The following MAGI2 variants were observed in gnomAD, a reference collection of about 807,000 sequenced individuals.
MAGI2 encodes membrane-associated guanylate kinase, WW and PDZ domain-containing protein 2.
MAGI2 carries 35 observed loss-of-function variants against 133.3 expected under a neutral mutation model. The ratio of observed to expected loss-of-function variants is 0.26; its 90% CI spans 0.20 to 0.35. MAGI2 has a LOEUF of 0.35. Among genes scored for constraint, MAGI2 ranks in the 10% least tolerant of loss-of-function variants. The pLI, the probability that MAGI2 is intolerant of heterozygous loss-of-function variation, is 1.00. For missense variants in MAGI2, 1,636 were observed against 1,863.4 expected (o/e 0.88, Z 2.25); for synonymous variants, 729 against 710.6 (o/e 1.03, Z -0.41).
chr7:78,962,167 A>T (rs1292616980), intron 2 of MAGI2, among the ~76,000 whole-genome samples: 1 of 152,058 alleles, frequency 6.6e-6, no homozygotes, highest in Non-Finnish European at 1.5e-5. Context: ...CTAGTTTTCT[A>T]TCTGGAAACA....
chr7:79,084,092 T>C (rs1816281072), intron 1 of MAGI2, among the ~76,000 whole-genome samples: 2 of 151,698 alleles, frequency 1.3e-5, no homozygotes, highest in Non-Finnish European at 3.0e-5. Flanking sequence ...GTTAATCTTT[T>C]CAAAGAATCA....
chr7:78,427,012 C>G (rs573690542), intron 6 of MAGI2, among the ~76,000 whole-genome samples: 2 of 152,108 alleles, frequency 1.3e-5, no homozygotes, highest in South Asian at 4.1e-4. Context: ...TTTCAATGCT[C>G]TAACATTTTA....
At chr7:79,262,058 T>C (rs755703544) in intron 1 of MAGI2, among the ~76,000 whole-genome samples, 21 of 152,204 alleles carry the variant, frequency 1.4e-4, no homozygotes, top group Non-Finnish European at 2.4e-4. Flanking sequence ...GTAGTATTTA[T>C]CAATCTTCAA....
At chr7:79,104,500 C>G (rs573393752) in intron 1 of MAGI2, among the ~76,000 whole-genome samples, 2 of 152,056 alleles carry the variant, frequency 1.3e-5, no homozygotes, top group African/African-American at 4.8e-5. Flanking sequence ...AGCCCCATCT[C>G]TACTAAAAAT....
At chr7:79,313,808 T>A (rs981817425) in intron 1 of MAGI2, among the ~76,000 whole-genome samples, 43 of 151,296 alleles carry the variant, frequency 2.8e-4, no homozygotes, top group Admixed American at 5.3e-4. Context: ...TTTACTTTTT[T>A]TTTTTTTTTT....
chr7:78,322,412 A>G (rs1277983205), intron 9 of MAGI2, among the ~76,000 whole-genome samples: 1 of 152,248 alleles, frequency 6.6e-6, no homozygotes, highest in African/African-American at 2.4e-5. Flanking sequence ...CATATACACC[A>G]TGGAATACTA....
chr7:78,544,244 G>T (rs549388699), intron 3 of MAGI2, among the ~76,000 whole-genome samples: 41 of 152,350 alleles, frequency 2.7e-4, no homozygotes, highest in African/African-American at 9.1e-4. Flanking sequence ...ATGAATTGGT[G>T]ATTTCAGTGT....
intron 15 of MAGI2, among the ~76,000 whole-genome samples, chr7:78,161,524 G>T (rs898611923): frequency 6.6e-6 from 1 of 152,012 alleles, no homozygotes; most frequent in Non-Finnish European, 1.5e-5. Flanking sequence ...AACTCTGGAA[G>T]TTGTTGCATA....
intron 1 of MAGI2, 116 bp downstream of exon 1, chr7:79,452,904 C>G: frequency 8.4e-7 from 1 of 1,190,986 alleles, no homozygotes; most frequent in Non-Finnish European, 1.2e-6. Flanking sequence ...CTCTCTGGCC[C>G]CCACCCCATC....
rs533313802 is a variant in MAGI2, at chr7:78,977,548, C to T, written c.418+29542G>A. Among the ~76,000 whole-genome samples the T allele has an allele frequency of 2.0e-5, 3 of 150,262 alleles. No homozygotes were observed. In the East Asian group the frequency reaches 5.9e-4, roughly 30 times the overall value. On this transcript the variant is annotated intron_variant, in intron 2 of 21. Coordinates refer to ENST00000354212, the MANE Select transcript of MAGI2 (RefSeq NM_012301.4). ...GAAAGAGCAAAGACCTTACAATTTA[C>T]ACAAAAAGTTAATCTAAAATGTAAT...
At chr7:78,295,632 C>T (rs1338836953) in intron 9 of MAGI2, among the ~76,000 whole-genome samples, 2 of 152,168 alleles carry the variant, frequency 1.3e-5, no homozygotes, top group African/African-American at 2.4e-5. Flanking sequence ...CTAGCAATTG[C>T]TAGTCCCTTG....
intron 3 of MAGI2, chr7:78,617,500 T>A (rs538427836): frequency 1.3e-5 from 2 of 152,118 alleles, no homozygotes; most frequent in African/African-American, 4.8e-5. Context: ...GAAGTACTGA[T>A]ACTAAATTTT....
intron 1 of MAGI2, among the ~76,000 whole-genome samples, chr7:79,355,189 C>T (rs1284080424): frequency 6.6e-6 from 1 of 152,206 alleles, no homozygotes; most frequent in Non-Finnish European, 1.5e-5. Flanking sequence ...CCCTCTCACT[C>T]TCCTGCCCAA....
intron 1 of MAGI2, among the ~76,000 whole-genome samples, chr7:79,206,943 A>C (rs927244418): frequency 2.0e-5 from 3 of 151,988 alleles, no homozygotes; most frequent in Non-Finnish European, 4.4e-5. Flanking sequence ...AACAACACAT[A>C]AACAGAATGA....
At chr7:78,749,460 T>A (rs1027516855) in intron 2 of MAGI2, among the ~76,000 whole-genome samples, 3 of 151,940 alleles carry the variant, frequency 2.0e-5, no homozygotes, top group African/African-American at 4.8e-5. Context: ...GAAAAGGAAA[T>A]CTAGGAAAGG....
intron 20 of MAGI2, among the ~76,000 whole-genome samples, chr7:78,110,459 T>C (rs1326603498): frequency 3.3e-5 from 5 of 152,104 alleles, no homozygotes; most frequent in Non-Finnish European, 5.9e-5. Context: ...GAACATCCAA[T>C]AGGCAGTTGG....
At chr7:78,162,067 G>C (rs1455078116) in intron 15 of MAGI2, among the ~76,000 whole-genome samples, 1 of 152,216 alleles carries the variant, frequency 6.6e-6, no homozygotes, top group African/African-American at 2.4e-5. Context: ...ATTAGGGATA[G>C]TCAGGAAGAA....
rs1241874134 is a variant in MAGI2, at chr7:79,028,241, A to ATC, written c.302-21036_302-21035insGA. 7.0e-3 allele frequency among the ~76,000 whole-genome samples: 291 copies of ATC among 41,580 alleles called. 3 individuals carry two copies. Among genetic ancestry groups the ATC allele is most frequent in the Non-Finnish European group, 8.6e-3 (183 of 21,294 alleles). The allele number at this position is 41,580 out of a possible 152,430, so 27.3% of individuals were successfully genotyped here. A position where few individuals can be genotyped will look rare whatever the true frequency, so the allele number is the denominator to read the frequency against. ...AATATATATATATATGTATGTATAT[A>ATC]TATATATATATATATATATATATAT... On this transcript the variant is annotated intron_variant, in intron 1 of 21. Coordinates refer to ENST00000354212, the MANE Select transcript of MAGI2 (RefSeq NM_012301.4).
At chr7:79,061,226 TAAAATGC>T (rs1264936576) in intron 1 of MAGI2, among the ~76,000 whole-genome samples, 1 of 152,004 alleles carries the variant, frequency 6.6e-6, no homozygotes, top group Non-Finnish European at 1.5e-5. Context: ...AGAGCAAGAT[TAAAATGC>T]TCTATTTTAT....
Sources: gnomAD v4.1 joint callset for allele counts (sites outside exome capture counted in the v4.1 genomes callset) on GRCh38, gnomAD v4.1.1 for gene constraint, MANE v1.5 for transcripts, NCBI Gene and HGNC (gene_info 2026-07-23, HGNC 2026-07-21) for gene names.